Variants in ZFHX3 observed in about 807,000 individuals in gnomAD.
ZFHX3 encodes zinc finger homeobox 3.
In ZFHX3, 42 loss-of-function variants were observed where a neutral mutation model predicts 279.1. The ratio of observed to expected loss-of-function variants is 0.15; its 90% CI spans 0.12 to 0.19. The LOEUF (loss-of-function observed/expected upper bound fraction) is 0.19. Among genes scored for constraint, ZFHX3 ranks in the 10% least tolerant of loss-of-function variants. The pLI is 1.00. For missense variants in ZFHX3, 4,981 were observed against 4,754.0 expected (o/e 1.05, Z -1.40); for synonymous variants, 2,293 against 1,957.8 (o/e 1.17, Z -4.52).
intron 3 of ZFHX3, among the ~76,000 whole-genome samples, chr16:72,910,300 G>A (rs1278599873): frequency 6.6e-6 from 1 of 152,120 alleles, no homozygotes; most frequent in Non-Finnish European, 1.5e-5. Flanking sequence ...AGCCAGGGAG[G>A]AAAAAATGAG....
intron 4 of ZFHX3, among the ~76,000 whole-genome samples, chr16:73,264,339 G>C (rs987961966): frequency 1.3e-5 from 2 of 148,360 alleles, no homozygotes; most frequent in Non-Finnish European, 2.9e-5. Context: ...GGGTTTCCTG[G>C]TTTCCATTAA....
intron 1 of ZFHX3, among the ~76,000 whole-genome samples, chr16:73,717,572 G>T (rs947381325): frequency 2.6e-5 from 4 of 152,174 alleles, no homozygotes; most frequent in Non-Finnish European, 5.9e-5. Context: ...CAAGCCTTTT[G>T]ATATTCATGT....
At chr16:73,440,353 A>T (rs2143535292) in intron 3 of ZFHX3, among the ~76,000 whole-genome samples, 1 of 152,348 alleles carries the variant, frequency 6.6e-6, no homozygotes, top group Non-Finnish European at 1.5e-5. Flanking sequence ...GGTGAACTCC[A>T]GAAATTTTAC....
intron 2 of ZFHX3, among the ~76,000 whole-genome samples, chr16:73,473,008 A>T (rs2018695905): frequency 6.8e-6 from 1 of 146,864 alleles, no homozygotes. Context: ...TTTTGCCAGG[A>T]CCCTGACTAG....
intron 3 of ZFHX3, among the ~76,000 whole-genome samples, chr16:72,905,953 G>A (rs1292065237): frequency 6.6e-6 from 1 of 152,130 alleles, no homozygotes; most frequent in Non-Finnish European, 1.5e-5. Context: ...CGTGGTTAAG[G>A]CTCTCACCTT....
chr16:72,810,934 G>A (rs568304316), intron 7 of ZFHX3, among the ~76,000 whole-genome samples: 3 of 152,126 alleles, frequency 2.0e-5, no homozygotes, highest in Admixed American at 6.5e-5. Context: ...AGGCTGCAGC[G>A]CAGTGGCCTA....
chr16:73,731,344 CCACCCTGT>C (rs533178018), intron 1 of ZFHX3, among the ~76,000 whole-genome samples: 80 of 151,990 alleles, frequency 5.3e-4, no homozygotes, highest in Non-Finnish European at 9.6e-4. Context: ...TGCAAAAAAC[CCACCCTGT>C]CATAGAATGT....
At position 73,069,351 on chromosome 16, in the gene ZFHX3, G is replaced by T. The variant is rs1293207027; in HGVS notation, c.-532-10339C>A. Among the ~76,000 whole-genome samples the T allele has an allele frequency of 2.0e-5, 3 of 152,284 alleles. No individual in the cohort carries two copies. In the East Asian group the frequency reaches 5.8e-4, roughly 29 times the overall value. ...GGGATGTTAAGCGGGTGGCAGGGGGGAAGCAAAAGAAGAAGCAATGATGCA... is the reference window on the plus strand; with the variant it reads ...GGGATGTTAAGCGGGTGGCAGGGGGTAAGCAAAAGAAGAAGCAATGATGCA... On this transcript the variant is annotated intron_variant, in intron 8 of 17. Transcript: ENST00000641206.
At chr16:73,469,837 C>T (rs760627505) in intron 2 of ZFHX3, among the ~76,000 whole-genome samples, 12 of 152,016 alleles carry the variant, frequency 7.9e-5, no homozygotes, top group Non-Finnish European at 1.0e-4. Context: ...AGCCTGGTCT[C>T]GAACTCCTGA....
At chr16:73,678,707 G>C (rs1301106702) in intron 2 of ZFHX3, among the ~76,000 whole-genome samples, 2 of 152,016 alleles carry the variant, frequency 1.3e-5, no homozygotes, top group Non-Finnish European at 2.9e-5. Context: ...AAAACAAATA[G>C]CCCAGCACCA....
At chr16:72,838,166 T>G (rs2037246062) in intron 4 of ZFHX3, among the ~76,000 whole-genome samples, 1 of 152,108 alleles carries the variant, frequency 6.6e-6, no homozygotes. Flanking sequence ...CCATCCCTGT[T>G]TTTTGGCATC....
Position 73,693,627 on chromosome 16 carries a change from C to T in ZFHX3, c.-1607-13387G>A, listed in dbSNP as rs78892778. On this transcript the variant is annotated intron_variant, in intron 1 of 17. Transcript: ENST00000641206. The stretch of plus-strand genomic sequence containing the variant: ...CCACGGGAACGAGAGAAAAGAAGGG[C>T]TTAGCACTGGCCTCTGTCTCATAAG... Among the ~76,000 whole-genome samples, 39 of 152,278 alleles carry T rather than the reference C, an allele frequency of 2.6e-4. No individual in the cohort carries two copies. In the East Asian group the frequency reaches 5.8e-3, roughly 23 times the overall value.
chr16:73,516,578 T>C (rs1294439473), intron 2 of ZFHX3, among the ~76,000 whole-genome samples: 1 of 152,172 alleles, frequency 6.6e-6, no homozygotes, highest in Non-Finnish European at 1.5e-5. Context: ...GCCCCTTCTC[T>C]GGAATAATAT....
chr16:72,928,677 G>A (rs75112090), intron 3 of ZFHX3, among the ~76,000 whole-genome samples: 1 of 152,182 alleles, frequency 6.6e-6, no homozygotes, highest in Non-Finnish European at 1.5e-5. Context: ...ATCCACGTAA[G>A]ATAAAATACA....
intron 2 of ZFHX3, chr16:73,483,460 C>T (rs2018910031): frequency 2.2e-6 from 1 of 445,558 alleles, no homozygotes; most frequent in African/African-American, 2.0e-5. Context: ...AGCATGGGGG[C>T]TGTGCTCTGC....
At chr16:73,705,567 T>C (rs1052275670) in intron 1 of ZFHX3, among the ~76,000 whole-genome samples, 3 of 152,204 alleles carry the variant, frequency 2.0e-5, no homozygotes, top group African/African-American at 7.2e-5. Context: ...TATTGTTTTC[T>C]GTGGTGTTGC....
chr16:73,872,278 G>A (rs950484943), intron 1 of ZFHX3, among the ~76,000 whole-genome samples: 1 of 150,218 alleles, frequency 6.7e-6, no homozygotes, highest in African/African-American at 2.5e-5. Context: ...GTCTCATTTT[G>A]TTGCCCAGGC....
intron 1 of ZFHX3, among the ~76,000 whole-genome samples, chr16:73,714,522 C>G (rs535436510): frequency 4.9e-4 from 75 of 152,288 alleles, no homozygotes; most frequent in Non-Finnish European, 8.2e-4. Context: ...AGTCTCCATC[C>G]AGCCCAGTGT....
chr16:72,850,381 C>A (rs1328565811), intron 4 of ZFHX3, among the ~76,000 whole-genome samples: 1 of 152,250 alleles, frequency 6.6e-6, no homozygotes, highest in African/African-American at 2.4e-5. Context: ...CTGTCACTAC[C>A]AAGTGTGCAG....
Sources: allele counts gnomAD v4.1 joint callset (sites outside exome capture counted in the v4.1 genomes callset), GRCh38; gene constraint gnomAD v4.1.1; transcripts MANE v1.5; gene names NCBI Gene and HGNC (gene_info 2026-07-23, HGNC 2026-07-21).